The following ESR1 variants were observed in gnomAD, a reference collection of about 807,000 sequenced individuals.
ESR1 encodes estrogen receptor 1, also known as estrogen receptor.
In ESR1, 12 loss-of-function variants were observed where a neutral mutation model predicts 52.7. The observed-to-expected ratio is 0.23, with a 90% CI of 0.15 to 0.37. ESR1 has a LOEUF of 0.37. Ranked by LOEUF, ESR1 falls within the 10% of genes least tolerant of loss-of-function variation. The probability of loss-of-function intolerance (pLI) is 1.00; values close to 1 mark genes in which losing one functional copy is unlikely to be tolerated. For missense variants in ESR1, 584 were observed against 779.7 expected (o/e 0.75, Z 2.99); for synonymous variants, 305 against 316.8 (o/e 0.96, Z 0.39).
At chr6:151,812,780 G>A (rs960681439) in intron 1 of ESR1, among the ~76,000 whole-genome samples, 2 of 152,074 alleles carry the variant, frequency 1.3e-5, no homozygotes, top group East Asian at 1.9e-4. Flanking sequence ...AAACAGAGTG[G>A]CTACACTTGT....
intron 4 of ESR1, among the ~76,000 whole-genome samples, chr6:151,967,237 G>T (rs2038373060): frequency 1.3e-5 from 2 of 151,988 alleles, no homozygotes; most frequent in South Asian, 2.1e-4. Context: ...AGAACATGCA[G>T]GTTTGTTACA....
chr6:151,756,644 G>C (rs1047947640), intron 2 of ESR1, among the ~76,000 whole-genome samples: 1 of 152,318 alleles, frequency 6.6e-6, no homozygotes, highest in Middle Eastern at 3.4e-3. Context: ...GGTAGGTACT[G>C]TCAATTATAG....
intron 2 of ESR1, among the ~76,000 whole-genome samples, chr6:151,845,498 G>A (rs1053938367): frequency 2.6e-5 from 4 of 152,166 alleles, no homozygotes; most frequent in African/African-American, 9.7e-5. Flanking sequence ...GAACCTGGGA[G>A]GCAGAGGTTG....
chr6:151,826,315 G>A (rs1781491568), intron 1 of ESR1, among the ~76,000 whole-genome samples: 1 of 152,212 alleles, frequency 6.6e-6, no homozygotes, highest in Non-Finnish European at 1.5e-5. Flanking sequence ...ATGAGTTACA[G>A]CCTGGGAATT....
chr6:152,005,809 TGTTGGGAGATGG>T (rs1171200012), intron 4 of ESR1, among the ~76,000 whole-genome samples: 2 of 152,084 alleles, frequency 1.3e-5, no homozygotes, highest in African/African-American at 2.4e-5. Flanking sequence ...CTCCTCATTC[TGTTGGGAGATGG>T]GTGGGAGTGT....
chr6:151,847,321 A>C (rs9479130), intron 2 of ESR1, among the ~76,000 whole-genome samples: 69,877 of 151,928 alleles, frequency 0.46, 16,446 homozygotes, highest in African/African-American at 0.53. Flanking sequence ...AAAGAACTCA[A>C]GCCCATTTAG....
intron 2 of ESR1, among the ~76,000 whole-genome samples, chr6:151,773,559 G>A (rs1785693304): frequency 6.6e-6 from 1 of 152,220 alleles, no homozygotes; most frequent in South Asian, 2.1e-4. Context: ...TTTGAAGGCA[G>A]CTGCTGGCAG....
At chr6:152,128,659 C>T (rs778120501) in exon 7 of ESR1, 28 of 152,246 alleles carry the variant, frequency 1.8e-4, no homozygotes, top group African/African-American at 6.0e-4. Flanking sequence ...AGGAAGAATG[C>T]GTATCTAAAA....
At chr6:151,794,964 T>C (rs955039403) in intron 2 of ESR1, among the ~76,000 whole-genome samples, 16 of 152,280 alleles carry the variant, frequency 1.1e-4, no homozygotes, top group African/African-American at 3.6e-4. Context: ...ACACTCTCAG[T>C]ACCTTTCATT....
Position 152,061,620 on chromosome 6 carries a change from G to A in ESR1, c.1369+496G>A, listed in dbSNP as rs1210233456. 1.3e-5 allele frequency among the ~76,000 whole-genome samples: 2 copies of A among 152,178 alleles called. No homozygotes were observed. The highest frequency in any genetic ancestry group is 2.9e-5 in the Non-Finnish European group (2 of 68,030). Reference sequence around the variant, plus strand: ...CCTGTTTCTAAAACAGAAGAATGTGGAATGCAATAAATTGTCCAGCTGAAA... The same window carrying A: ...CCTGTTTCTAAAACAGAAGAATGTGAAATGCAATAAATTGTCCAGCTGAAA... On this transcript the variant is annotated intron_variant, in intron 6 of 7. Transcript: ENST00000206249. The surrounding 1 kb of genome is among the most constrained non-coding windows in gnomAD (Gnocchi z 4.3).
chr6:152,016,640 T>C (rs1020287931), intron 5 of ESR1, among the ~76,000 whole-genome samples: 2 of 152,192 alleles, frequency 1.3e-5, no homozygotes, highest in Non-Finnish European at 2.9e-5. Flanking sequence ...TCCTAACCCC[T>C]TTAATAAAAT....
rs565387118 is a variant in ESR1 at position 151,733,178 on chromosome 6, G to T, written c.-71+31173G>T. 3.3e-5 allele frequency among the ~76,000 whole-genome samples: 5 copies of T among 152,266 alleles called. No homozygotes were observed. In the East Asian group the frequency reaches 9.6e-4, roughly 29 times the overall value. ...GTGATTCTCATACTCCCATTTTACAGTTGAGGAAACTGAGGCACTGAGGGG... is the reference window on the plus strand; with the variant it reads ...GTGATTCTCATACTCCCATTTTACATTTGAGGAAACTGAGGCACTGAGGGG... On this transcript the variant is annotated intron_variant, in intron 2 of 2. Transcript: ENST00000404742.
At chr6:151,704,022 C>T (rs1472790075) in intron 2 of ESR1, among the ~76,000 whole-genome samples, 1 of 152,180 alleles carries the variant, frequency 6.6e-6, no homozygotes, top group Non-Finnish European at 1.5e-5. Context: ...ATAAACAACA[C>T]AGAACATCAG....
intron 5 of ESR1, among the ~76,000 whole-genome samples, chr6:152,020,519 C>T (rs142520321): frequency 4.0e-5 from 6 of 151,664 alleles, no homozygotes; most frequent in Non-Finnish European, 7.4e-5. Flanking sequence ...GGTGTGATCT[C>T]GGCTCACTTC....
intron 6 of ESR1, among the ~76,000 whole-genome samples, chr6:152,078,392 C>A (rs548778257): frequency 2.6e-5 from 4 of 152,162 alleles, no homozygotes; most frequent in Non-Finnish European, 5.9e-5. Context: ...AGGGTTCACC[C>A]CTTGAATTTC....
chr6:151,791,689 C>T (rs1776170291), intron 2 of ESR1, among the ~76,000 whole-genome samples: 1 of 152,114 alleles, frequency 6.6e-6, no homozygotes, highest in Non-Finnish European at 1.5e-5. Context: ...AGAGCTGGGT[C>T]TTATGGAGAC....
intron 5 of ESR1, among the ~76,000 whole-genome samples, chr6:152,048,264 C>T (rs1407969400): frequency 3.4e-5 from 5 of 148,184 alleles, no homozygotes; most frequent in South Asian, 2.1e-4. Flanking sequence ...CCCAGTTACT[C>T]GGGAGGCTGA....
rs118137979 is a variant in ESR1, at chr6:151,736,433, C to A, written c.-71+34428C>A. Among the ~76,000 whole-genome samples, 404 of 128,122 alleles carry A rather than the reference C, an allele frequency of 3.2e-3. 5 individuals are homozygous for A. Among genetic ancestry groups the A allele is most frequent in the East Asian group, 0.019 (85 of 4,492 alleles). The allele number at this position is 128,122 out of a possible 152,430, so 84.1% of individuals were successfully genotyped here. A position where few individuals can be genotyped will look rare whatever the true frequency, so the allele number is the denominator to read the frequency against. Reference sequence around the variant, plus strand: ...TGTAGCCCAAGCTGTAGTGTGGTGGCGTGATCTTGGCTCACTGCAACCTCC... The same window carrying A: ...TGTAGCCCAAGCTGTAGTGTGGTGGAGTGATCTTGGCTCACTGCAACCTCC... On this transcript the variant is annotated intron_variant, in intron 2 of 2. Transcript: ENST00000404742.
intron 4 of ESR1, among the ~76,000 whole-genome samples, chr6:151,988,485 G>T (rs2040713022): frequency 6.6e-6 from 1 of 152,120 alleles, no homozygotes; most frequent in Admixed American, 6.5e-5. Context: ...GGGCGGCCCA[G>T]TTCCTAACCA....
Sources: gnomAD v4.1 joint callset for allele counts (sites outside exome capture counted in the v4.1 genomes callset) on GRCh38, gnomAD v4.1.1 for gene constraint, Gnocchi (gnomAD v3.1) non-coding constraint, MANE v1.5 for transcripts, NCBI Gene and HGNC (gene_info 2026-07-23, HGNC 2026-07-21) for gene names.